Variants in RHOT2 observed in about 807,000 individuals in gnomAD.
The protein encoded by RHOT2 is mitochondrial Rho GTPase 2.
RHOT2 carries 90 observed loss-of-function variants against 81.6 expected under a neutral mutation model. The observed-to-expected ratio is 1.10, with a 90% CI of 0.93 to 1.31. RHOT2 has a LOEUF of 1.31. Among genes scored for constraint, RHOT2 ranks in the 40% most tolerant of loss-of-function variants. The pLI is 0.00. For synonymous variants in RHOT2, 512 were observed against 370.9 expected (o/e 1.38, Z -4.37); for missense variants, 1,014 against 841.9 (o/e 1.20, Z -2.53).
rs772564815 is a variant in RHOT2, at chr16:673,046, C to G, written c.1646C>G (p.Pro549Arg). The G allele has an allele frequency of 6.2e-6, 10 of 1,611,964 alleles. No individual in the cohort carries two copies. Among genetic ancestry groups the G allele is most frequent in the Non-Finnish European group, 8.5e-6 (10 of 1,179,956 alleles). ...GAGTTTTGCCGCAAGCACCGGCTACCCGCTCCCGTGCCGTTCTCCTGTGCT... is the reference window on the plus strand; with the variant it reads ...GAGTTTTGCCGCAAGCACCGGCTACGCGCTCCCGTGCCGTTCTCCTGTGCT... ...PAEFCRKHRLPAPVPFSCAGP... is the reference protein window; with the variant it reads ...PAEFCRKHRLRAPVPFSCAGP... The change falls in exon 18 of 19, where the codon CCC becomes CGC. Residue 549 changes from proline to arginine, a missense_variant. By Grantham distance (103) the Pro-to-Arg change is moderately radical. Coordinates refer to ENST00000315082, the MANE Select transcript of RHOT2 (RefSeq NM_138769.3).
rs2038791643 is a variant in RHOT2 at position 670,790 on chromosome 16, C to T, written c.639+17C>T. Reference sequence around the variant, plus strand: ...GCTTTCCAGGTGTGCCCCTGCCCCACCCTCGGTGCCCAGCCCCCTTGAACC... The same window carrying T: ...GCTTTCCAGGTGTGCCCCTGCCCCATCCTCGGTGCCCAGCCCCCTTGAACC... On this transcript the variant is annotated intron_variant, in intron 9 of 18. Coordinates refer to ENST00000315082, the MANE Select transcript of RHOT2 (RefSeq NM_138769.3). 1 of 1,610,552 alleles carries T rather than the reference C, an allele frequency of 6.2e-7. No homozygotes were observed. Among genetic ancestry groups the T allele is most frequent in the Non-Finnish European group, 8.5e-7 (1 of 1,179,116 alleles).
chr16:669,593 C>T lies in RHOT2; in HGVS notation c.263C>T (p.Ala88Val), dbSNP rs142141341. 52 of 1,611,696 alleles carry T rather than the reference C, an allele frequency of 3.2e-5. No homozygotes were observed. In the African/African-American group the frequency reaches 6.1e-4, roughly 19 times the overall value. ...GTGGTGTATGACGTCTCTGAGGAGG[C>T]CACCATTGAGAAGGTGAGCCCTCAG... ...VCVVYDVSEE[A>V]TIEKIRTKWI... Residue 88 changes from alanine to valine, a missense_variant, in exon 5 of 19, where the codon GCC becomes GTC. Transcript: ENST00000315082.
At chr16:671,289 G>A in intron 11 of RHOT2, 86 bp downstream of exon 11, 1 of 1,484,754 alleles carries the variant, frequency 6.7e-7, no homozygotes. Context: ...GAGTGACGCT[G>A]GGGTTTGAGG....
chr16:668,125 C>A (rs1335433061), upstream of RHOT2: 2 of 416,802 alleles, frequency 4.8e-6, no homozygotes, highest in African/African-American at 2.1e-5. Context: ...GGGGCGGGCG[C>A]GGGGGCAGAG....
chr16:672,170 A>G lies in RHOT2; in HGVS notation c.1184A>G (p.His395Arg). Residue 395 changes from histidine (H) to arginine (R), a missense_variant, in exon 14 of 19, where the codon CAT (histidine) becomes CGT (arginine). Transcript: ENST00000315082. ...YPTLCEQDQAHAITVTREKRL... is the reference protein window; with the variant it reads ...YPTLCEQDQARAITVTREKRL... ...ACCCTCTGTGAGCAGGACCAGGCCC[A>G]TGCCATCACAGGTAGGCACCCACCC... 1.9e-6 allele frequency: 3 copies of G among 1,612,462 alleles called. No homozygotes were observed. The highest frequency in any genetic ancestry group is 2.2e-5 in the South Asian group (2 of 91,064).
chr16:668,556 C>G lies in RHOT2; in HGVS notation c.165C>G (p.Ile55Met), dbSNP rs1205392312. The G allele has an allele frequency of 6.2e-7, 1 of 1,610,642 alleles. No individual in the cohort carries two copies. The highest frequency in any genetic ancestry group is 1.3e-5 in the African/African-American group (1 of 74,738). ...CCCCGGAGAAGGTGCCCACCCACAT[C>G]GTGGACTACTCAGGTAGCGGCCGTA... ...DVTPEKVPTH[I>M]VDYSEAEQTD... Residue 55 changes from isoleucine (I) to methionine (M), a missense_variant, in exon 3 of 19, where the codon ATC (isoleucine) becomes ATG (methionine). By Grantham distance (10) the Ile-to-Met change is conservative. Coordinates refer to ENST00000315082, the MANE Select transcript of RHOT2 (RefSeq NM_138769.3).
chr16:671,808 C>CG, intron 12 of RHOT2, 27 bp downstream of exon 12: 4 of 1,585,820 alleles, frequency 2.5e-6, no homozygotes, highest in Non-Finnish European at 3.4e-6. Flanking sequence ...TCCCCTGCCC[C>CG]TGCCCCCGCC....
At chr16:671,400 C>CGG in intron 11 of RHOT2, 197 bp downstream of exon 11, 1 of 424,962 alleles carries the variant, frequency 2.4e-6, no homozygotes, top group Non-Finnish European at 4.2e-6. Context: ...CCACAGAGCT[C>CGG]TGAGTCGGGG....
At position 673,693 on chromosome 16, in the gene RHOT2, C is replaced by T. The variant is rs2039334243; in HGVS notation, c.*87C>T. ...GGGGCAGCACAGCTGGGGTGCAGGCCAGGCTGCCACTCCGGGAACGCCTTT... is the reference window on the plus strand; with the variant it reads ...GGGGCAGCACAGCTGGGGTGCAGGCTAGGCTGCCACTCCGGGAACGCCTTT... On this transcript the variant is annotated 3_prime_UTR_variant, in exon 19 of 19. Transcript: ENST00000315082. 11 of 1,494,148 alleles carry T rather than the reference C, an allele frequency of 7.4e-6. No homozygotes were observed. In the South Asian group the frequency reaches 1.0e-4, roughly 14 times the overall value. 92.6% of individuals were successfully genotyped at this position (1,494,148 alleles called of 1,614,324 possible). A position where few individuals can be genotyped will look rare whatever the true frequency, so the allele number is the denominator to read the frequency against.
chr16:670,430 C>T (rs375828689), intron 7 of RHOT2, 26 bp from the exon 8 acceptor site: 6 of 1,606,240 alleles, frequency 3.7e-6, no homozygotes, highest in Non-Finnish European at 5.1e-6. Flanking sequence ...CGGGGCACTT[C>T]CCTGAGGCTG....
In RHOT2 at chr16:673,508, TCTTC is replaced by T; in HGVS notation, c.1764_1767del (p.Phe589GlyfsTer26). The T allele has an allele frequency of 6.2e-7, 1 of 1,612,680 alleles. No homozygotes were observed. The highest frequency in any genetic ancestry group is 1.1e-5 in the South Asian group (1 of 91,086). On this transcript the variant is annotated frameshift_variant, in exon 19 of 19. Transcript: ENST00000315082. LOFTEE classifies it high-confidence loss of function. ...TTTGGTCCACGCAGAGCTGCATCCC[TCTTC>T]CTTCTGGCTCCGGGGGCTGCTGGGG...
chr16:671,898 C>T lies in RHOT2; in HGVS notation c.993C>T (p.Ser331=), dbSNP rs750706700. ...DGALSPVELQ[S]LFSVFPAAPW... The stretch of plus-strand genomic sequence containing the variant: ...CCCTCTCGCCCGTGGAGCTGCAAAG[C>T]CTTTTCAGTGTGTTCCCAGCAGCGC... The change falls in exon 13 of 19, where the codon AGC becomes AGT. Residue 331 remains serine, a synonymous_variant. Coordinates refer to ENST00000315082, the MANE Select transcript of RHOT2 (RefSeq NM_138769.3). 6 of 1,607,784 alleles carry T rather than the reference C, an allele frequency of 3.7e-6. No homozygotes were observed. Among genetic ancestry groups the T allele is most frequent in the Non-Finnish European group, 5.1e-6 (6 of 1,178,616 alleles).
Position 673,612 on chromosome 16 carries a change from C to T in RHOT2, c.*6C>T, listed in dbSNP as rs777702540. On this transcript the variant is annotated 3_prime_UTR_variant, in exon 19 of 19. Transcript: ENST00000315082. ...TCCTGGTGAAGAGCCAGTGAGGCCC[C>T]TGGTACCCAAGCCCCCTCCCCTGAC... The T allele has an allele frequency of 3.1e-6, 5 of 1,603,896 alleles. No homozygotes were observed. The African/African-American group carries it at 6.7e-5, about 22-fold the overall frequency.
chr16:671,709 C>A lies in RHOT2; in HGVS notation c.882C>A (p.Pro294=). Residue 294 remains proline, a synonymous_variant, in exon 12 of 19, where the codon CCC becomes CCA. Coordinates refer to ENST00000315082, the MANE Select transcript of RHOT2 (RefSeq NM_138769.3). ...GGCCTCCCTGCAGGATCCACGTGCC[C>A]CCCGGCTGCAGCACGGAGCTCAACC... The part of the protein sequence containing the change: ...ADYLSPLIHV[P]PGCSTELNHL... 6.2e-7 allele frequency: 1 copy of A among 1,612,298 alleles called. No homozygotes were observed.
rs1359266844 is a variant in RHOT2, at chr16:674,144, T to C, written c.*538T>C. ...GTTTTCTATCTCGGATCCCAGTCTC[T>C]GAAGACAACTTGCTTTGATTCAACC... On this transcript the variant is annotated 3_prime_UTR_variant, in exon 19 of 19. Transcript: ENST00000315082. The C allele has an allele frequency of 4.7e-6, 1 of 214,210 alleles. No homozygotes were observed. The highest frequency in any genetic ancestry group is 9.7e-6 in the Non-Finnish European group (1 of 102,740). 13.3% of individuals were successfully genotyped at this position (214,210 alleles called of 1,614,324 possible). A position where few individuals can be genotyped will look rare whatever the true frequency, so the allele number is the denominator to read the frequency against.
At chr16:669,284 G>C (rs925380481) in intron 4 of RHOT2, 1 of 557,590 alleles carries the variant, frequency 1.8e-6, no homozygotes, top group African/African-American at 1.9e-5. Flanking sequence ...TCTGGGGCCT[G>C]GTGTCCCTGC....
intron 18 of RHOT2, 100 bp from the exon 19 acceptor site, chr16:673,380 C>A: frequency 6.4e-7 from 1 of 1,561,048 alleles, no homozygotes; most frequent in Non-Finnish European, 8.7e-7. Flanking sequence ...CTGGGATCCC[C>A]GCCTGTGGGG....
At position 673,959 on chromosome 16, in the gene RHOT2, C is replaced by T. The variant is rs746220104; in HGVS notation, c.*353C>T. The T allele has an allele frequency of 2.0e-6, 1 of 500,120 alleles. No individual in the cohort carries two copies. The highest frequency in any genetic ancestry group is 1.6e-5 in the South Asian group (1 of 62,882). The allele number at this position is 500,120 out of a possible 1,614,324, so 31.0% of individuals were successfully genotyped here. ...ACCCAGAATTCTCAGGGCTCTACCC[C>T]CCTTTCCTGGTCCTAGGTGGCCAGT... On this transcript the variant is annotated 3_prime_UTR_variant, in exon 19 of 19. Transcript: ENST00000315082.
Position 673,955 on chromosome 16 carries a change from A to AC in RHOT2, c.*355dup, listed in dbSNP as rs1266144531. 2 of 505,370 alleles carry AC rather than the reference A, an allele frequency of 4.0e-6. No homozygotes were observed. Among genetic ancestry groups the AC allele is most frequent in the East Asian group, 1.0e-4 (2 of 19,588 alleles). The allele number at this position is 505,370 out of a possible 1,614,324, so 31.3% of individuals were successfully genotyped here. On this transcript the variant is annotated 3_prime_UTR_variant, in exon 19 of 19. Coordinates refer to ENST00000315082, the MANE Select transcript of RHOT2 (RefSeq NM_138769.3). ...CCAGACCCAGAATTCTCAGGGCTCT[A>AC]CCCCCCTTTCCTGGTCCTAGGTGGC...
Sources: allele counts gnomAD v4.1 joint callset, GRCh38; gene constraint gnomAD v4.1.1; transcripts MANE v1.5; gene names NCBI Gene and HGNC (gene_info 2026-07-23, HGNC 2026-07-21).